The following ETNK1 variants were observed in gnomAD, a reference collection of about 807,000 sequenced individuals.
ETNK1 encodes the protein ethanolamine kinase 1.
Under a neutral mutation model 45.1 loss-of-function variants are expected in ETNK1, and 8 were observed. The ratio of observed to expected loss-of-function variants is 0.18; its 90% CI spans 0.10 to 0.32. The LOEUF (loss-of-function observed/expected upper bound fraction) is 0.32, where lower values mean the gene tolerates loss of function less well. Ranked by LOEUF, ETNK1 falls within the 10% of genes least tolerant of loss-of-function variation. The probability of loss-of-function intolerance (pLI) is 1.00; values close to 1 mark genes in which losing one functional copy is unlikely to be tolerated. For synonymous variants in ETNK1, 152 were observed against 151.9 expected (o/e 1.00, Z -0.01); for missense variants, 302 against 430.6 (o/e 0.70, Z 2.64).
intron 1 of ETNK1, 81 bp downstream of exon 1, chr12:22,625,667 A>C: frequency 6.6e-7 from 1 of 1,509,372 alleles, no homozygotes; most frequent in Non-Finnish European, 8.9e-7. Flanking sequence ...CCTCTGTCCC[A>C]CGATGACCGA....
intron 5 of ETNK1, 77 bp from the exon 6 acceptor site, chr12:22,673,423 T>G: frequency 9.3e-7 from 1 of 1,070,500 alleles, no homozygotes; most frequent in Middle Eastern, 2.4e-4. Flanking sequence ...GAAAAAATGG[T>G]GGTTTTAGGG....
rs192538219 is a variant in ETNK1 at position 22,669,638 on chromosome 12, T to C, written c.701-1634T>C. On this transcript the variant is annotated intron_variant, in intron 4 of 7. Coordinates refer to ENST00000266517, the MANE Select transcript of ETNK1 (RefSeq NM_018638.5). ...CCAATGATTCCTAGAAAAGAAACTTTAAAACATGTTTCTACTTCCCATTCT... is the reference window on the plus strand; with the variant it reads ...CCAATGATTCCTAGAAAAGAAACTTCAAAACATGTTTCTACTTCCCATTCT... 2.1e-3 allele frequency among the ~76,000 whole-genome samples: 320 copies of C among 152,298 alleles called. 5 individuals are homozygous for C. The highest frequency in any genetic ancestry group is 7.3e-3 in the African/African-American group (305 of 41,570).
At chr12:22,642,688 A>G (rs1953754558) in intron 1 of ETNK1, among the ~76,000 whole-genome samples, 1 of 152,020 alleles carries the variant, frequency 6.6e-6, no homozygotes, top group South Asian at 2.1e-4. Flanking sequence ...CATTAGTTAA[A>G]TGTATATACA....
chr12:22,634,943 G>C (rs905778160), intron 1 of ETNK1, among the ~76,000 whole-genome samples: 2 of 152,126 alleles, frequency 1.3e-5, no homozygotes, highest in African/African-American at 4.8e-5. Context: ...TTTGAAGGTT[G>C]ATTGGCTGTT....
At chr12:22,684,077 G>T (rs1425561472) in intron 6 of ETNK1, among the ~76,000 whole-genome samples, 1 of 152,068 alleles carries the variant, frequency 6.6e-6, no homozygotes, top group Admixed American at 6.6e-5. Flanking sequence ...TTTATTGCTT[G>T]TGAGATTTGG....
chr12:22,686,661 C>A lies in ETNK1; in HGVS notation c.*1707C>A, dbSNP rs1158574752. ...CTACCTCCCCAATGTTATAAATGTT[C>A]ACTTTTGTTTTTATAAACCATATTA... On this transcript the variant is annotated 3_prime_UTR_variant, in exon 8 of 8. Coordinates refer to ENST00000266517, the MANE Select transcript of ETNK1 (RefSeq NM_018638.5). 1.3e-5 allele frequency: 2 copies of A among 152,100 alleles called. No individual in the cohort carries two copies. The highest frequency in any genetic ancestry group is 2.4e-5 in the African/African-American group (1 of 41,346). 9.4% of individuals were successfully genotyped at this position (152,100 alleles called of 1,614,324 possible).
At chr12:22,633,454 G>T (rs1243942158) in intron 1 of ETNK1, among the ~76,000 whole-genome samples, 1 of 152,178 alleles carries the variant, frequency 6.6e-6, no homozygotes, top group Admixed American at 6.5e-5. Context: ...ACAGGACTTG[G>T]TATTTGATGT....
chr12:22,656,639 C>G (rs566462289), intron 2 of ETNK1: 27 of 985,296 alleles, frequency 2.7e-5, no homozygotes, highest in East Asian at 1.1e-4. Flanking sequence ...ATGGAGCAGA[C>G]GAGAAGTCAT....
chr12:22,676,430 C>T (rs1954162731), intron 6 of ETNK1, among the ~76,000 whole-genome samples: 1 of 151,946 alleles, frequency 6.6e-6, no homozygotes, highest in South Asian at 2.1e-4. Context: ...TGGGTTGGTT[C>T]CAGGTCTTTG....
chr12:22,679,000 C>T (rs775262587), intron 6 of ETNK1, among the ~76,000 whole-genome samples: 1 of 152,140 alleles, frequency 6.6e-6, no homozygotes, highest in Non-Finnish European at 1.5e-5. Context: ...AGGAGTTCAC[C>T]CCAAGTACTC....
In ETNK1 at chr12:22,659,025, G is replaced by A. The variant is rs779728346; in HGVS notation, c.428G>A (p.Arg143His). The A allele has an allele frequency of 1.2e-5, 19 of 1,612,858 alleles. No homozygotes were observed. In the East Asian group the frequency reaches 2.2e-4, roughly 19 times the overall value. Reference sequence around the variant, plus strand: ...TTTGTTTTAAACAGGCTAATAGCTCGTCAGCTTGCTAAAATCCATGCTATT... The same window carrying A: ...TTTGTTTTAAACAGGCTAATAGCTCATCAGCTTGCTAAAATCCATGCTATT... ...CNPAIFRLIA[R>H]QLAKIHAIHA... Residue 143 changes from arginine (R) to histidine (H), a missense_variant, in exon 3 of 8, where the codon CGT becomes CAT. Around this residue, in one of 3 missense-constraint regions of ETNK1, gnomAD observed 205 missense variants for 259.9 expected, o/e 0.79. Transcript: ENST00000266517.
At chr12:22,660,532 C>G (rs1311192867) in intron 3 of ETNK1, among the ~76,000 whole-genome samples, 1 of 152,112 alleles carries the variant, frequency 6.6e-6, no homozygotes, top group African/African-American at 2.4e-5. Flanking sequence ...TTTAACATAA[C>G]TGGATTATAT....
chr12:22,643,557 C>T (rs1297752776), intron 1 of ETNK1, among the ~76,000 whole-genome samples: 1 of 152,100 alleles, frequency 6.6e-6, no homozygotes, highest in East Asian at 1.9e-4. Flanking sequence ...TTAAGGGCAA[C>T]ATGTTAACAT....
At chr12:22,647,461 C>G (rs774798972) in intron 2 of ETNK1, among the ~76,000 whole-genome samples, 1 of 151,792 alleles carries the variant, frequency 6.6e-6, no homozygotes, top group South Asian at 2.1e-4. Context: ...TTTCTGGCAG[C>G]AACAATTAAA....
chr12:22,653,054 G>A lies in ETNK1; in HGVS notation c.417-5960G>A, dbSNP rs1953898137. On this transcript the variant is annotated intron_variant, in intron 2 of 7. Coordinates refer to ENST00000266517, the MANE Select transcript of ETNK1 (RefSeq NM_018638.5). Reference sequence around the variant, plus strand: ...GGTCCAGCTTCATTCTTTTGGATGTGGATATCTAGTTTTCCCAGTACATTT... The same window carrying A: ...GGTCCAGCTTCATTCTTTTGGATGTAGATATCTAGTTTTCCCAGTACATTT... Among the ~76,000 whole-genome samples, 4 of 152,022 alleles carry A rather than the reference G, an allele frequency of 2.6e-5. No individual in the cohort carries two copies. In the South Asian group the frequency reaches 6.2e-4, roughly 24 times the overall value.
intron 4 of ETNK1, among the ~76,000 whole-genome samples, chr12:22,662,660 AG>A (rs1348866327): frequency 6.6e-6 from 1 of 152,066 alleles, no homozygotes; most frequent in African/African-American, 2.4e-5. Context: ...GGCCTCCTAA[AG>A]TGCTGGGATT....
chr12:22,679,345 A>G (rs1211348384), intron 6 of ETNK1, among the ~76,000 whole-genome samples: 2 of 152,198 alleles, frequency 1.3e-5, no homozygotes, highest in Non-Finnish European at 2.9e-5. Context: ...CAACATGGGG[A>G]AAAAGAAGGA....
chr12:22,628,337 C>T (rs1252957296), intron 1 of ETNK1, among the ~76,000 whole-genome samples: 1 of 152,050 alleles, frequency 6.6e-6, no homozygotes, highest in Non-Finnish European at 1.5e-5. Flanking sequence ...AGGGAAGGTG[C>T]TTCTGTATAA....
intron 1 of ETNK1, among the ~76,000 whole-genome samples, chr12:22,626,892 T>C (rs1049424779): frequency 2.6e-5 from 4 of 152,354 alleles, no homozygotes; most frequent in African/African-American, 9.6e-5. Context: ...TGAAATTCAG[T>C]ACTTGTTTAG....
Sources: gnomAD v4.1 joint callset for allele counts (sites outside exome capture counted in the v4.1 genomes callset) on GRCh38, gnomAD v4.1.1 for gene constraint, gnomAD v4.1.1 regional missense constraint, MANE v1.5 for transcripts, NCBI Gene and HGNC (gene_info 2026-07-23, HGNC 2026-07-21) for gene names.